Variants in CDK14 observed in about 807,000 individuals in gnomAD.
CDK14 encodes cyclin dependent kinase 14.
In CDK14, 34 loss-of-function variants were observed where a neutral mutation model predicts 60.7. The observed-to-expected ratio is 0.56, with a 90% confidence interval of 0.43 to 0.75. CDK14 has a LOEUF of 0.75. CDK14 is among the 30% of genes least tolerant of loss of function. CDK14 has a pLI of 0.00. For missense variants in CDK14, 482 were observed against 564.1 expected (o/e 0.85, Z 1.47); for synonymous variants, 197 against 203.7 (o/e 0.97, Z 0.28).
Position 91,044,512 on chromosome 7 carries a change from T to C in CDK14, c.1042-1385T>C, listed in dbSNP as rs563857243. 2.0e-5 allele frequency among the ~76,000 whole-genome samples: 3 copies of C among 152,300 alleles called. No individual in the cohort carries two copies. The South Asian group carries it at 6.2e-4, about 32-fold the overall frequency. Reference sequence around the variant, plus strand: ...AGGCCTGTGTTGATGTTTCTGCTGGTCAGCTGTGCCTAAATTCCAGAAAGG... The same window carrying C: ...AGGCCTGTGTTGATGTTTCTGCTGGCCAGCTGTGCCTAAATTCCAGAAAGG... On this transcript the variant is annotated intron_variant, in intron 10 of 14. Coordinates refer to ENST00000380050, the MANE Select transcript of CDK14 (RefSeq NM_001287135.2).
intron 4 of CDK14, among the ~76,000 whole-genome samples, chr7:90,787,791 G>C (rs1339403387): frequency 6.6e-6 from 1 of 152,100 alleles, no homozygotes. Flanking sequence ...ACACTTGGAG[G>C]TTCAATTCAT....
chr7:90,946,207 A>G (rs1794094746), intron 8 of CDK14, among the ~76,000 whole-genome samples: 1 of 152,162 alleles, frequency 6.6e-6, no homozygotes, highest in African/African-American at 2.4e-5. Context: ...CTCTGTAGTG[A>G]TTGTGGTATG....
At chr7:90,677,128 A>G (rs923290570) in intron 2 of CDK14, among the ~76,000 whole-genome samples, 2 of 152,180 alleles carry the variant, frequency 1.3e-5, no homozygotes, top group Admixed American at 6.5e-5. Flanking sequence ...GAAGCAAATA[A>G]CAAAAGACTT....
chr7:90,926,437 T>C (rs1793417967), intron 8 of CDK14, among the ~76,000 whole-genome samples: 1 of 152,222 alleles, frequency 6.6e-6, no homozygotes, highest in African/African-American at 2.4e-5. Flanking sequence ...TTTAATTATA[T>C]TCCTGGGTGA....
At chr7:90,645,314 T>G (rs964184663) in intron 2 of CDK14, among the ~76,000 whole-genome samples, 1 of 152,024 alleles carries the variant, frequency 6.6e-6, no homozygotes, top group Non-Finnish European at 1.5e-5. Context: ...TTACAATGTT[T>G]CAGTCCACAA....
intron 5 of CDK14, among the ~76,000 whole-genome samples, chr7:90,853,352 C>T (rs1428065506): frequency 6.6e-6 from 1 of 152,080 alleles, no homozygotes; most frequent in African/African-American, 2.4e-5. Context: ...AAGACTATCA[C>T]TTTCAGTAGA....
chr7:90,823,462 T>A (rs1789618455), intron 5 of CDK14, among the ~76,000 whole-genome samples: 2 of 152,188 alleles, frequency 1.3e-5, no homozygotes, highest in African/African-American at 4.8e-5. Context: ...ATCCTTCAAT[T>A]TGGATGTACT....
chr7:90,904,996 C>G (rs1022812337), intron 7 of CDK14, among the ~76,000 whole-genome samples: 1 of 152,122 alleles, frequency 6.6e-6, no homozygotes, highest in Non-Finnish European at 1.5e-5. Flanking sequence ...TTTTCAGATG[C>G]ACAAGGAGTT....
chr7:90,889,554 A>G (rs1451027924), intron 6 of CDK14, among the ~76,000 whole-genome samples: 2 of 152,236 alleles, frequency 1.3e-5, no homozygotes, highest in South Asian at 2.1e-4. Flanking sequence ...AAGAGAATAC[A>G]TGTTATGACT....
chr7:90,772,709 G>T (rs778157816), intron 4 of CDK14, among the ~76,000 whole-genome samples: 23 of 152,148 alleles, frequency 1.5e-4, no homozygotes, highest in Non-Finnish European at 3.1e-4. Flanking sequence ...GTGGAACTGT[G>T]AGTCAATTAA....
At position 90,734,152 on chromosome 7, in the gene CDK14, C is replaced by G. The variant is rs191104614; in HGVS notation, c.369+7340C>G. ...AATATTGGCCTCCACTCTCTTCTGGCTTGTAGGGTTTCTGCTGAGAGATCT... is the reference window on the plus strand; with the variant it reads ...AATATTGGCCTCCACTCTCTTCTGGGTTGTAGGGTTTCTGCTGAGAGATCT... On this transcript the variant is annotated intron_variant, in intron 3 of 14. Coordinates refer to ENST00000380050, the MANE Select transcript of CDK14 (RefSeq NM_001287135.2). Among the ~76,000 whole-genome samples the G allele has an allele frequency of 1.7e-4, 26 of 152,304 alleles. No individual in the cohort carries two copies. In the East Asian group the frequency reaches 4.8e-3, roughly 28 times the overall value.
intron 5 of CDK14, among the ~76,000 whole-genome samples, chr7:90,839,791 C>T (rs560728493): frequency 6.6e-6 from 1 of 152,198 alleles, no homozygotes; most frequent in African/African-American, 2.4e-5. Flanking sequence ...CATTCAGAAT[C>T]AAAGTGGAAT....
chr7:91,196,429 T>C (rs1022422110), intron 14 of CDK14, among the ~76,000 whole-genome samples: 2 of 152,254 alleles, frequency 1.3e-5, no homozygotes, highest in African/African-American at 2.4e-5. Flanking sequence ...CACTCTTCTT[T>C]GCTTAAAAAT....
chr7:90,780,042 T>G (rs1429927423), intron 4 of CDK14, among the ~76,000 whole-genome samples: 1 of 152,200 alleles, frequency 6.6e-6, no homozygotes, highest in Non-Finnish European at 1.5e-5. Flanking sequence ...CCTTATTGTT[T>G]CCTAATGGTG....
intron 12 of CDK14, among the ~76,000 whole-genome samples, chr7:91,086,668 T>G (rs906445713): frequency 6.6e-5 from 10 of 151,666 alleles, no homozygotes; most frequent in Non-Finnish European, 1.5e-4. Flanking sequence ...TGGGTGTGTG[T>G]GTGTGTGTGT....
chr7:90,659,292 A>T (rs2116498548), intron 2 of CDK14, among the ~76,000 whole-genome samples: 1 of 152,278 alleles, frequency 6.6e-6, no homozygotes, highest in African/African-American at 2.4e-5. Context: ...TCAGGGGGAA[A>T]ATTCACGAAC....
chr7:91,010,007 T>C (rs937687236), intron 10 of CDK14, among the ~76,000 whole-genome samples: 15 of 152,126 alleles, frequency 9.9e-5, no homozygotes, highest in Non-Finnish European at 1.6e-4. Flanking sequence ...TTTTGACATA[T>C]AGTTTTTTAA....
At chr7:91,199,361 T>G (rs1300954372) in intron 14 of CDK14, among the ~76,000 whole-genome samples, 1 of 152,138 alleles carries the variant, frequency 6.6e-6, no homozygotes, top group African/African-American at 2.4e-5. Context: ...CATGCCTTGG[T>G]GTATCTAAGA....
chr7:90,707,899 A>C (rs1801934859), intron 2 of CDK14, among the ~76,000 whole-genome samples: 1 of 152,216 alleles, frequency 6.6e-6, no homozygotes, highest in Admixed American at 6.5e-5. Context: ...TAATCACTTA[A>C]GGCATTCATT....
Sources: allele counts gnomAD v4.1 joint callset (sites outside exome capture counted in the v4.1 genomes callset), GRCh38; gene constraint gnomAD v4.1.1; transcripts MANE v1.5; gene names NCBI Gene and HGNC (gene_info 2026-07-23, HGNC 2026-07-21).